Variants in IL19 observed in about 807,000 individuals in gnomAD.
The protein encoded by IL19 is interleukin-19.
IL19 carries 15 observed loss-of-function variants against 19.5 expected under a neutral mutation model. The ratio of observed to expected loss-of-function variants is 0.77; its 90% CI spans 0.52 to 1.19. IL19 has a LOEUF of 1.19. Among genes scored for constraint, IL19 ranks in the 50% most tolerant of loss-of-function variants. The pLI is 0.00. For synonymous variants in IL19, 78 were observed against 78.3 expected (o/e 1.00, Z 0.02); for missense variants, 199 against 213.1 (o/e 0.93, Z 0.41).
chr1:206,801,231 C>T (rs1008503989), intron 2 of IL19, among the ~76,000 whole-genome samples: 2 of 151,560 alleles, frequency 1.3e-5, no homozygotes, highest in African/African-American at 4.8e-5. Flanking sequence ...AATTACAAGC[C>T]TGTAGCCCAT....
intron 2 of IL19, among the ~76,000 whole-genome samples, chr1:206,826,997 G>A (rs1339274293): frequency 6.6e-6 from 1 of 152,192 alleles, no homozygotes. Context: ...ATACAATGTG[G>A]GTGACACATT....
intron 2 of IL19, among the ~76,000 whole-genome samples, chr1:206,817,530 A>G (rs1676188495): frequency 6.6e-6 from 1 of 152,174 alleles, no homozygotes; most frequent in Non-Finnish European, 1.5e-5. Context: ...ACATATGTCT[A>G]CCTATTTATC....
intron 2 of IL19, among the ~76,000 whole-genome samples, chr1:206,824,847 C>G (rs1331773434): frequency 6.6e-6 from 1 of 152,240 alleles, no homozygotes; most frequent in Non-Finnish European, 1.5e-5. Context: ...ACTGCAACCT[C>G]TGCCTCCTGG....
At chr1:206,800,073 T>C (rs1476637736) in intron 2 of IL19, among the ~76,000 whole-genome samples, 3 of 152,256 alleles carry the variant, frequency 2.0e-5, no homozygotes, top group Non-Finnish European at 4.4e-5. Flanking sequence ...TTCAGGAACT[T>C]AAGCAACTTG....
chr1:206,821,846 G>T, intron 2 of IL19, among the ~76,000 whole-genome samples: 1 of 152,184 alleles, frequency 6.6e-6, no homozygotes, highest in Non-Finnish European at 1.5e-5. Flanking sequence ...AAGGAAAGCC[G>T]CCCACTGAAA....
intron 6 of IL19, among the ~76,000 whole-genome samples, chr1:206,841,750 G>A (rs1677025876): frequency 6.6e-6 from 1 of 152,190 alleles, no homozygotes; most frequent in Non-Finnish European, 1.5e-5. Flanking sequence ...ATAGCTAAGA[G>A]TTACATGGTT....
intron 2 of IL19, among the ~76,000 whole-genome samples, chr1:206,807,642 T>A (rs1675882299): frequency 6.6e-6 from 1 of 152,232 alleles, no homozygotes; most frequent in Non-Finnish European, 1.5e-5. Flanking sequence ...TTCAGACCAC[T>A]AATCACAAAT....
At chr1:206,824,108 A>T (rs1185014085) in intron 2 of IL19, among the ~76,000 whole-genome samples, 1 of 152,184 alleles carries the variant, frequency 6.6e-6, no homozygotes, top group Non-Finnish European at 1.5e-5. Context: ...ATATCAGCGG[A>T]TTATTTCTCT....
At chr1:206,773,089 A>G (rs1674900869) in intron 1 of IL19, among the ~76,000 whole-genome samples, 1 of 152,184 alleles carries the variant, frequency 6.6e-6, no homozygotes, top group Non-Finnish European at 1.5e-5. Context: ...GATGTGTTCC[A>G]GGCTCCTTTA....
chr1:206,819,245 C>T (rs1676235386), intron 2 of IL19, among the ~76,000 whole-genome samples: 1 of 152,104 alleles, frequency 6.6e-6, no homozygotes, highest in Admixed American at 6.5e-5. Context: ...AATATAATAA[C>T]CTACTAGCCA....
intron 2 of IL19, among the ~76,000 whole-genome samples, chr1:206,816,276 G>T (rs183147870): frequency 5.9e-5 from 9 of 152,212 alleles, no homozygotes; most frequent in Admixed American, 3.3e-4. Context: ...AAATGTATAA[G>T]ATTTTAAGAA....
In IL19 at chr1:206,841,050, C is replaced by T. The variant is rs1156321375; in HGVS notation, c.410C>T (p.Thr137Ile). ...TGCAGGCAGGAAGCCACCAATGCCACCAGAGTCATCCATGACAACTATGAT... is the reference window on the plus strand; with the variant it reads ...TGCAGGCAGGAAGCCACCAATGCCATCAGAGTCATCCATGACAACTATGAT... ...CHCRQEATNA[T>I]RVIHDNYDQL... Residue 137 changes from threonine to isoleucine, a missense_variant, in exon 6 of 7, where the codon ACC (threonine) becomes ATC (isoleucine). By Grantham distance (89) the Thr-to-Ile change is moderately conservative. Coordinates refer to ENST00000659997, the MANE Select transcript of IL19 (RefSeq NM_153758.5). 1 of 1,614,062 alleles carries T rather than the reference C, an allele frequency of 6.2e-7. No homozygotes were observed. The highest frequency in any genetic ancestry group is 2.2e-5 in the East Asian group (1 of 44,886).
rs1477046560 is a variant in IL19 at position 206,807,631 on chromosome 1, TTTCAGAC to T, written c.-3+8626_-3+8632del. Among the ~76,000 whole-genome samples, 5 of 152,354 alleles carry T rather than the reference TTTCAGAC, an allele frequency of 3.3e-5. No individual in the cohort carries two copies. The East Asian group carries it at 9.6e-4, about 29-fold the overall frequency. ...TTCCTTTGTTTTTTTGGCACCCTTA[TTTCAGAC>T]CACTAATCACAAATTGTAGCTATAT... On this transcript the variant is annotated intron_variant, in intron 2 of 6. Coordinates refer to ENST00000659997, the MANE Select transcript of IL19 (RefSeq NM_153758.5).
At chr1:206,806,703 A>G (rs1675855072) in intron 2 of IL19, among the ~76,000 whole-genome samples, 1 of 152,188 alleles carries the variant, frequency 6.6e-6, no homozygotes, top group Non-Finnish European at 1.5e-5. Context: ...CTACCTCTGA[A>G]ATATATTACG....
chr1:206,814,742 A>G (rs1375947467), intron 2 of IL19, among the ~76,000 whole-genome samples: 9 of 151,590 alleles, frequency 5.9e-5, no homozygotes, highest in Admixed American at 5.3e-4. Flanking sequence ...CTTTGAACAT[A>G]TGCAGAGTGG....
chr1:206,795,123 T>C (rs1558610032), intron 1 of IL19, among the ~76,000 whole-genome samples: 1 of 152,078 alleles, frequency 6.6e-6, no homozygotes, highest in East Asian at 1.9e-4. Flanking sequence ...CCAGTCTAGA[T>C]CCAGACACAA....
In IL19 at chr1:206,798,883, A is replaced by T. The variant is rs773384170; in HGVS notation, c.-126A>T. ...TAGAGCGGTGCTTGCACACACTGAC[A>T]GGAGTCCAAGAATGTGCACTGAGGG... On this transcript the variant is annotated 5_prime_UTR_variant, in exon 2 of 7. Coordinates refer to ENST00000659997, the MANE Select transcript of IL19 (RefSeq NM_153758.5). 140 of 1,594,128 alleles carry T rather than the reference A, an allele frequency of 8.8e-5. No individual in the cohort carries two copies. Among genetic ancestry groups the T allele is most frequent in the Non-Finnish European group, 1.2e-4 (137 of 1,163,938 alleles).
intron 1 of IL19, among the ~76,000 whole-genome samples, chr1:206,778,752 G>C (rs1256325182): frequency 6.6e-6 from 1 of 152,148 alleles, no homozygotes; most frequent in South Asian, 2.1e-4. Context: ...CCTTCATCCA[G>C]TGCACCCTCG....
intron 1 of IL19, among the ~76,000 whole-genome samples, chr1:206,785,384 CCAGCAACT>C (rs1675246370): frequency 6.6e-6 from 1 of 152,200 alleles, no homozygotes; most frequent in African/African-American, 2.4e-5. Context: ...TACGAAATCA[CCAGCAACT>C]TCTAGAGAGT....
Sources: gnomAD v4.1 joint callset for allele counts (sites outside exome capture counted in the v4.1 genomes callset) on GRCh38, gnomAD v4.1.1 for gene constraint, MANE v1.5 for transcripts, NCBI Gene and HGNC (gene_info 2026-07-23, HGNC 2026-07-21) for gene names.